CUL2: variants seen among roughly 807,000 people sequenced by gnomAD.
The protein encoded by CUL2 is cullin-2.
A neutral mutation model predicts 110.2 loss-of-function variants in CUL2; 22 were observed. The observed-to-expected ratio is 0.20, with a 90% CI of 0.14 to 0.28. The LOEUF is 0.28. Ranked by LOEUF, CUL2 falls within the 10% of genes least tolerant of loss-of-function variation. CUL2 has a pLI of 1.00. For synonymous variants in CUL2, 279 were observed against 293.2 expected (o/e 0.95, Z 0.49); for missense variants, 631 against 905.5 (o/e 0.70, Z 3.89).
chr10:35,057,654 A>G (rs1047569663), intron 4 of CUL2, among the ~76,000 whole-genome samples: 2 of 148,216 alleles, frequency 1.3e-5, no homozygotes, highest in African/African-American at 4.9e-5. Context: ...CTCCGTCTGA[A>G]AAAAAAAAAA....
chr10:35,029,131 C>T (rs1278001825), intron 15 of CUL2, among the ~76,000 whole-genome samples: 1 of 151,384 alleles, frequency 6.6e-6, no homozygotes, highest in Admixed American at 6.6e-5. Context: ...GATCTCCGCT[C>T]ACTGCAACCT....
Position 35,032,486 on chromosome 10 carries a change from C to T in CUL2, c.1119G>A (p.Thr373=), listed in dbSNP as rs16935840. 0.17 allele frequency: 264,278 copies of T among 1,584,490 alleles called. 23,073 individuals carry two copies. The highest frequency in any genetic ancestry group is 0.21 in the East Asian group (8,762 of 42,376). Residue 373 remains threonine, a synonymous_variant, in exon 12 of 21, where the codon ACG becomes ACA. Transcript: ENST00000374749. ...TAGGTTCTCTGTAATTTACAACTGA[C>T]GTAAGGGCCTGAATAAAAAAACACG... ...HFMSALDKAL[T]SVVNYREPKS...
intron 4 of CUL2, among the ~76,000 whole-genome samples, chr10:35,056,273 G>A (rs941728958): frequency 6.6e-6 from 1 of 152,166 alleles, no homozygotes; most frequent in South Asian, 2.1e-4. Context: ...GATAGCAAAA[G>A]CTAACAGTAG....
rs185701890 is a variant in CUL2, at chr10:35,013,914, A to C, written c.1888-114T>G. 6.0e-6 allele frequency: 4 copies of C among 662,422 alleles called. No homozygotes were observed. The Admixed American group carries it at 1.6e-4, about 27-fold the overall frequency. 41.0% of individuals were successfully genotyped at this position (662,422 alleles called of 1,614,324 possible). ...CAAGCAAAAAAGCCTCCACTCTCAT[A>C]ACTTTTATATTATAGATTACCAAAT... is the stretch of plus-strand genomic sequence containing the variant. On this transcript the variant is annotated intron_variant, in intron 18 of 20. Transcript: ENST00000374749.
intron 2 of CUL2, among the ~76,000 whole-genome samples, chr10:35,066,400 A>T (rs1233093763): frequency 6.6e-6 from 1 of 152,180 alleles, no homozygotes; most frequent in Non-Finnish European, 1.5e-5. Flanking sequence ...TCCGGGTTCA[A>T]GCAATTATCC....
chr10:35,061,872 TAC>T (rs897869745), intron 3 of CUL2, among the ~76,000 whole-genome samples: 3 of 151,160 alleles, frequency 2.0e-5, no homozygotes, highest in African/African-American at 7.3e-5. Flanking sequence ...CCTCCCAAAG[TAC>T]AGAGATTACA....
At chr10:35,030,226 A>G (rs1821021802) in intron 14 of CUL2, among the ~76,000 whole-genome samples, 1 of 152,256 alleles carries the variant, frequency 6.6e-6, no homozygotes, top group Admixed American at 6.5e-5. Flanking sequence ...CCTGTAGTCA[A>G]TTGAAAAAGT....
At chr10:35,066,778 CTGA>C (rs1297358222) in intron 2 of CUL2, among the ~76,000 whole-genome samples, 1 of 152,198 alleles carries the variant, frequency 6.6e-6, no homozygotes, top group African/African-American at 2.4e-5. Flanking sequence ...CAGGCAGTTG[CTGA>C]TGCACCAAAT....
intron 2 of CUL2, among the ~76,000 whole-genome samples, chr10:35,067,284 T>C (rs538929690): frequency 6.6e-6 from 1 of 152,146 alleles, no homozygotes; most frequent in Non-Finnish European, 1.5e-5. Context: ...GGACTTACTA[T>C]AACCTTTAGA....
intron 1 of CUL2, among the ~76,000 whole-genome samples, chr10:35,072,735 T>C (rs560714467): frequency 2.6e-5 from 4 of 152,306 alleles, no homozygotes; most frequent in Admixed American, 1.3e-4. Context: ...AATTAGCTGG[T>C]TTCTGGAACA....
At chr10:35,038,692 T>C (rs1354754621) in intron 9 of CUL2, among the ~76,000 whole-genome samples, 2 of 151,802 alleles carry the variant, frequency 1.3e-5, no homozygotes, top group African/African-American at 4.8e-5. Flanking sequence ...TCTTGTAATA[T>C]ATAAAAATGT....
intron 3 of CUL2, 147 bp from the exon 4 acceptor site, chr10:35,061,115 G>A (rs777020343): frequency 3.7e-5 from 32 of 861,710 alleles, no homozygotes; most frequent in Middle Eastern, 3.7e-4. Context: ...TTAACTACAC[G>A]TATTAAAAAT....
intron 1 of CUL2, chr10:35,118,477 C>T (rs886133714): frequency 1.3e-5 from 2 of 152,136 alleles, no homozygotes; most frequent in Non-Finnish European, 2.9e-5. Flanking sequence ...TGAGTTATTT[C>T]ATTAATATTT....
intron 9 of CUL2, among the ~76,000 whole-genome samples, chr10:35,038,667 A>C (rs2085696444): frequency 6.6e-6 from 1 of 151,146 alleles, no homozygotes. Flanking sequence ...TTCTAAATGC[A>C]TTAAGGAAAT....
In CUL2 at chr10:35,031,130, TAC is replaced by T. The variant is rs1471483373; in HGVS notation, c.1386+168_1386+169del. 6.6e-6 allele frequency among the ~76,000 whole-genome samples: 1 copy of T among 152,248 alleles called. No homozygotes were observed. The highest frequency in any genetic ancestry group is 1.5e-5 in the Non-Finnish European group (1 of 68,042). ...TTGTGAATCTTCATATATAAACATA[TAC>T]ATTTTGTCCTTTTAATACAGTATTT... On this transcript the variant is annotated intron_variant, in intron 14 of 20. Transcript: ENST00000374749. This position sits in a 1 kb window ranked among gnomAD's most constrained non-coding sequence, Gnocchi z 4.4.
At chr10:35,091,945 T>C (rs1315131949), upstream of CUL2, among the ~76,000 whole-genome samples, 1 of 151,696 alleles carries the variant, frequency 6.6e-6, no homozygotes, top group East Asian at 1.9e-4. Flanking sequence ...CTTTTTGTTT[T>C]GTTTTGTTTT....
At chr10:35,070,416 T>C (rs1182361848) in intron 2 of CUL2, among the ~76,000 whole-genome samples, 2 of 152,206 alleles carry the variant, frequency 1.3e-5, no homozygotes, top group African/African-American at 4.8e-5. Flanking sequence ...GCTGAACTAC[T>C]ATCTTATGAA....
At chr10:35,088,677 G>A (rs2087124731) in intron 1 of CUL2, among the ~76,000 whole-genome samples, 1 of 152,040 alleles carries the variant, frequency 6.6e-6, no homozygotes. Context: ...ACAAACTGGT[G>A]AGGGTAAAAG....
chr10:35,086,165 C>T (rs1196062456), intron 1 of CUL2, among the ~76,000 whole-genome samples: 3 of 151,222 alleles, frequency 2.0e-5, no homozygotes. Context: ...AGCCCCTGCA[C>T]TCCAGACTGA....
Sources: gnomAD v4.1 joint callset for allele counts (sites outside exome capture counted in the v4.1 genomes callset) on GRCh38, gnomAD v4.1.1 for gene constraint, Gnocchi (gnomAD v3.1) non-coding constraint, MANE v1.5 for transcripts, NCBI Gene and HGNC (gene_info 2026-07-23, HGNC 2026-07-21) for gene names.